LCORL: variants seen among roughly 807,000 people sequenced by gnomAD.
LCORL encodes the protein ligand-dependent nuclear receptor corepressor-like protein.
In LCORL, 41 loss-of-function variants were observed where a neutral mutation model predicts 141.8. The observed-to-expected ratio is 0.29, with a 90% CI of 0.23 to 0.38. The LOEUF (loss-of-function observed/expected upper bound fraction) is 0.38. Ranked by LOEUF, LCORL falls within the 10% of genes least tolerant of loss-of-function variation. The probability of loss-of-function intolerance (pLI) is 1.00; values close to 1 mark genes in which losing one functional copy is unlikely to be tolerated. For synonymous variants in LCORL, 618 were observed against 694.1 expected, an observed-to-expected ratio of 0.89 and a Z score of 1.72; for missense variants, 1,759 against 2,035.0, an observed-to-expected ratio of 0.86 and a Z score of 2.61.
At chr4:17,881,149 C>T (rs1301090500) in intron 6 of LCORL, 3 of 979,760 alleles carry the variant, frequency 3.1e-6, no homozygotes, top group Admixed American at 6.3e-5. Flanking sequence ...ACTGTTTTCT[C>T]TTTTCCTTCT....
chr4:17,975,238 T>C (rs979997356), intron 1 of LCORL, among the ~76,000 whole-genome samples: 2 of 152,178 alleles, frequency 1.3e-5, no homozygotes, highest in Non-Finnish European at 2.9e-5. Flanking sequence ...TTCACTACAA[T>C]AGCTCTATCC....
At chr4:17,966,382 T>C (rs1431829773) in intron 2 of LCORL, among the ~76,000 whole-genome samples, 2 of 152,260 alleles carry the variant, frequency 1.3e-5, no homozygotes, top group Admixed American at 6.5e-5. Flanking sequence ...ATGAACATCA[T>C]GCTCACAAAT....
intron 4 of LCORL, among the ~76,000 whole-genome samples, chr4:17,927,630 C>T (rs1735360664): frequency 6.6e-6 from 1 of 152,138 alleles, no homozygotes; most frequent in Non-Finnish European, 1.5e-5. Context: ...ACAGGCCTAA[C>T]TTCAATACTG....
At chr4:17,950,509 A>G (rs1051802131) in intron 4 of LCORL, among the ~76,000 whole-genome samples, 2 of 152,180 alleles carry the variant, frequency 1.3e-5, no homozygotes, top group Non-Finnish European at 2.9e-5. Context: ...AGGATTTATA[A>G]AAGAGTTTTC....
intron 1 of LCORL, among the ~76,000 whole-genome samples, chr4:17,994,320 C>T (rs1159653017): frequency 6.6e-6 from 1 of 151,588 alleles, no homozygotes; most frequent in East Asian, 1.9e-4. Context: ...ATCAATATTC[C>T]GTCTCATGTC....
intron 4 of LCORL, among the ~76,000 whole-genome samples, chr4:17,922,759 T>C (rs1323718499): frequency 6.6e-6 from 1 of 152,010 alleles, no homozygotes; most frequent in South Asian, 2.1e-4. Flanking sequence ...GCCTTGCAAA[T>C]TGGAATGGGG....
intron 7 of LCORL, among the ~76,000 whole-genome samples, chr4:17,859,708 C>G (rs1724776892): frequency 6.6e-6 from 1 of 152,112 alleles, no homozygotes; most frequent in African/African-American, 2.4e-5. Flanking sequence ...AGTAAAAGCA[C>G]AAAGACTTGG....
chr4:17,881,462 C>T, intron 6 of LCORL: 2 of 858,994 alleles, frequency 2.3e-6, no homozygotes, highest in African/African-American at 3.7e-5. Flanking sequence ...TACCTATAAA[C>T]TATCAAAAAA....
Position 17,932,639 on chromosome 4 carries a change from G to C in LCORL, c.431-23294C>G, listed in dbSNP as rs149492588. ...TTGCAAGAAATGTGCCATAGAGTAC[G>C]AGGCTGAGCAAGCAGGGGGACATAC... On this transcript the variant is annotated intron_variant, in intron 4 of 7. Transcript: ENST00000635767. Among the ~76,000 whole-genome samples the C allele has an allele frequency of 2.6e-4, 40 of 152,248 alleles. 1 individual carries two copies. Among genetic ancestry groups the C allele is most frequent in the African/African-American group, 9.4e-4 (39 of 41,554 alleles).
At chr4:17,901,423 C>G (rs1436014204) in intron 5 of LCORL, among the ~76,000 whole-genome samples, 1 of 150,592 alleles carries the variant, frequency 6.6e-6, no homozygotes, top group Non-Finnish European at 1.5e-5. Flanking sequence ...AGTTTACTAC[C>G]AATAAACCCT....
chr4:17,930,302 AG>A (rs1211859548), intron 4 of LCORL, among the ~76,000 whole-genome samples: 3 of 152,220 alleles, frequency 2.0e-5, no homozygotes, highest in African/African-American at 7.2e-5. Flanking sequence ...CAGATGTTTG[AG>A]TCCAGCCTGG....
intron 4 of LCORL, among the ~76,000 whole-genome samples, chr4:17,960,813 T>C (rs1027886493): frequency 6.6e-6 from 1 of 152,084 alleles, no homozygotes; most frequent in African/African-American, 2.4e-5. Context: ...TTTTTAAAGA[T>C]AATGCAGATT....
At chr4:17,898,261 T>C (rs1008340860) in intron 5 of LCORL, among the ~76,000 whole-genome samples, 1 of 152,208 alleles carries the variant, frequency 6.6e-6, no homozygotes, top group African/African-American at 2.4e-5. Context: ...ATAGTCAAAA[T>C]GCTGGGTAAA....
intron 6 of LCORL, chr4:17,880,605 T>C (rs1727434896): frequency 2.0e-6 from 2 of 978,796 alleles, no homozygotes; most frequent in Non-Finnish European, 2.4e-6. Flanking sequence ...TCAGTTTTTT[T>C]CTTTTCTTTT....
intron 1 of LCORL, among the ~76,000 whole-genome samples, chr4:17,995,062 G>A (rs761052036): frequency 3.3e-5 from 5 of 152,104 alleles, no homozygotes; most frequent in Non-Finnish European, 5.9e-5. Flanking sequence ...ACATCAGGTA[G>A]CTTTCTGAAA....
intron 4 of LCORL, among the ~76,000 whole-genome samples, chr4:17,910,148 C>G (rs1732279418): frequency 6.6e-6 from 1 of 152,120 alleles, no homozygotes; most frequent in Admixed American, 6.5e-5. Context: ...AATAATACAA[C>G]TCTGTCTGAA....
In LCORL at chr4:18,021,838, CGCGCGCCCCCCGGAGG is replaced by C; in HGVS notation, c.-103_-88del. The stretch of plus-strand genomic sequence containing the variant: ...CGAGCCCTCGGCGCGAGCCCCGGAG[CGCGCGCCCCCCGGAGG>C]GGGGTTGATTGACACGTGTCACTAC... On this transcript the variant is annotated 5_prime_UTR_variant, in exon 1 of 8. Coordinates refer to ENST00000635767, the Ensembl canonical transcript of LCORL. The surrounding 1 kb of genome is among the most constrained non-coding windows in gnomAD (Gnocchi z 5.5). 7.2e-7 allele frequency: 1 copy of C among 1,382,848 alleles called. No homozygotes were observed. Among genetic ancestry groups the C allele is most frequent in the South Asian group, 1.6e-5 (1 of 62,706 alleles). The allele number at this position is 1,382,848 out of a possible 1,614,324, so 85.7% of individuals were successfully genotyped here.
At chr4:17,895,854 C>T (rs576449652) in intron 5 of LCORL, among the ~76,000 whole-genome samples, 57 of 152,270 alleles carry the variant, frequency 3.7e-4, no homozygotes, top group Non-Finnish European at 7.1e-4. Flanking sequence ...TTAAGGTTCA[C>T]TCATGTAGCA....
chr4:17,987,219 C>G (rs1719131362), intron 1 of LCORL, among the ~76,000 whole-genome samples: 1 of 152,132 alleles, frequency 6.6e-6, no homozygotes, highest in Admixed American at 6.5e-5. Context: ...CCATTCATAG[C>G]TTTACTGAGA....
Sources: gnomAD v4.1 joint callset for allele counts (sites outside exome capture counted in the v4.1 genomes callset) on GRCh38, gnomAD v4.1.1 for gene constraint, Gnocchi (gnomAD v3.1) non-coding constraint, MANE v1.5 for transcripts, NCBI Gene and HGNC (gene_info 2026-07-23, HGNC 2026-07-21) for gene names.